GRIP1: variants seen among roughly 807,000 people sequenced by gnomAD.
The protein encoded by GRIP1 is glutamate receptor interacting protein 1.
GRIP1 carries 45 observed loss-of-function variants against 129.9 expected under a neutral mutation model. The ratio of observed to expected loss-of-function variants is 0.35; its 90% confidence interval spans 0.27 to 0.44. GRIP1 has a LOEUF of 0.44. GRIP1 is among the 20% of genes least tolerant of loss of function. The pLI, the probability that GRIP1 is intolerant of heterozygous loss-of-function variation, is 1.00. For missense variants in GRIP1, 1,196 were observed against 1,396.8 expected (o/e 0.86, Z 2.29); for synonymous variants, 530 against 520.8 (o/e 1.02, Z -0.24).
chr12:67,064,986 A>G (rs2043599186), intron 1 of GRIP1: 1 of 141,930 alleles, frequency 7.0e-6, no homozygotes, highest in African/African-American at 2.6e-5. Flanking sequence ...CCCACCTATG[A>G]GTGAGAATAT....
chr12:66,873,903 C>T (rs1374074690), intron 1 of GRIP1, among the ~76,000 whole-genome samples: 1 of 152,000 alleles, frequency 6.6e-6, no homozygotes, highest in African/African-American at 2.4e-5. Context: ...TGAGTTTTCC[C>T]TTGTAAAATT....
intron 4 of GRIP1, among the ~76,000 whole-genome samples, chr12:66,536,689 G>A (rs750269363): frequency 9.2e-5 from 14 of 151,968 alleles, no homozygotes; most frequent in Non-Finnish European, 8.8e-5. Flanking sequence ...CTGCTTTTTC[G>A]CATAGCATTC....
intron 1 of GRIP1, among the ~76,000 whole-genome samples, chr12:66,862,519 A>T (rs1172186540): frequency 6.6e-6 from 1 of 152,124 alleles, no homozygotes; most frequent in African/African-American, 2.4e-5. Context: ...CTACCCATGA[A>T]TGGGACTGTT....
intron 14 of GRIP1, among the ~76,000 whole-genome samples, chr12:66,421,763 T>C (rs943279092): frequency 3.3e-5 from 5 of 151,976 alleles, no homozygotes; most frequent in African/African-American, 9.7e-5. Context: ...AGTTTTTAGA[T>C]AAAACTATTA....
intron 1 of GRIP1, among the ~76,000 whole-genome samples, chr12:67,011,430 T>C (rs1015387095): frequency 1.3e-5 from 2 of 152,208 alleles, no homozygotes; most frequent in Non-Finnish European, 1.5e-5. Flanking sequence ...TAGAAGGCCA[T>C]GCTTGACCTG....
intron 1 of GRIP1, among the ~76,000 whole-genome samples, chr12:66,962,428 C>T (rs1302297551): frequency 6.6e-6 from 1 of 152,142 alleles, no homozygotes; most frequent in African/African-American, 2.4e-5. Context: ...CAGGCCCTGA[C>T]TGAAGCATGA....
chr12:66,717,323 C>A (rs2136428648), intron 1 of GRIP1, among the ~76,000 whole-genome samples: 1 of 151,790 alleles, frequency 6.6e-6, no homozygotes, highest in African/African-American at 2.4e-5. Flanking sequence ...GTGTAATGGC[C>A]CTTTTAAATC....
intron 1 of GRIP1, among the ~76,000 whole-genome samples, chr12:66,910,821 G>A (rs1301530846): frequency 1.3e-5 from 2 of 152,120 alleles, no homozygotes; most frequent in African/African-American, 4.8e-5. Flanking sequence ...AGGACTCAGA[G>A]GGTACGTCCC....
chr12:66,899,124 C>T (rs2040801298), intron 1 of GRIP1, among the ~76,000 whole-genome samples: 1 of 152,152 alleles, frequency 6.6e-6, no homozygotes, highest in Admixed American at 6.6e-5. Flanking sequence ...GTCCATATTG[C>T]TTCTTGGATC....
chr12:66,682,131 A>G (rs1172333611), upstream of GRIP1, among the ~76,000 whole-genome samples: 1 of 152,120 alleles, frequency 6.6e-6, no homozygotes, highest in African/African-American at 2.4e-5. Context: ...CTTGCCACCA[A>G]TACAAAATGT....
intron 1 of GRIP1, among the ~76,000 whole-genome samples, chr12:66,695,273 G>GTTT (rs79419418): frequency 6.9e-6 from 1 of 145,966 alleles, no homozygotes; most frequent in Admixed American, 6.9e-5. Context: ...AATCTAACCT[G>GTTT]TTTTTTTTTT....
chr12:66,719,441 A>G (rs2035992443), intron 1 of GRIP1, among the ~76,000 whole-genome samples: 1 of 152,192 alleles, frequency 6.6e-6, no homozygotes, highest in Admixed American at 6.5e-5. Flanking sequence ...AATGACTTCT[A>G]AGAGCCAACT....
intron 1 of GRIP1, among the ~76,000 whole-genome samples, chr12:66,693,489 G>T (rs2035049252): frequency 6.6e-6 from 1 of 152,072 alleles, no homozygotes; most frequent in Non-Finnish European, 1.5e-5. Context: ...ACTGTTATCT[G>T]CCTGGCCCTT....
In GRIP1 at chr12:67,027,492, T is replaced by C. The variant is rs115773943; in HGVS notation, c.58+41558A>G. Among the ~76,000 whole-genome samples, 499 of 152,334 alleles carry C rather than the reference T, an allele frequency of 3.3e-3. 1 individual carries two copies. Among genetic ancestry groups the C allele is most frequent in the African/African-American group, 0.011 (441 of 41,576 alleles). On this transcript the variant is annotated intron_variant, in intron 1 of 1. Transcript: ENST00000643019. ...TGGGCAAAATGCCATGCTAAATACT[T>C]AGGCTATAGTGACGTGCAAAACCAG...
intron 2 of GRIP1, among the ~76,000 whole-genome samples, chr12:66,577,109 T>C (rs1158394384): frequency 1.3e-5 from 2 of 152,180 alleles, no homozygotes; most frequent in South Asian, 2.1e-4. Flanking sequence ...AAACATGTTC[T>C]ATAAGGCAGA....
chr12:66,398,593 T>G (rs2056877887), intron 16 of GRIP1, among the ~76,000 whole-genome samples: 1 of 152,150 alleles, frequency 6.6e-6, no homozygotes, highest in Admixed American at 6.5e-5. Flanking sequence ...GAGGCCTTCC[T>G]ATGAGACCCA....
intron 7 of GRIP1, among the ~76,000 whole-genome samples, chr12:66,501,480 A>G (rs954852578): frequency 6.6e-6 from 1 of 152,170 alleles, no homozygotes; most frequent in Non-Finnish European, 1.5e-5. Flanking sequence ...AGGAATGTAA[A>G]ATTAGTATAC....
chr12:66,621,516 G>A (rs1307389567), intron 1 of GRIP1, among the ~76,000 whole-genome samples: 2 of 152,056 alleles, frequency 1.3e-5, no homozygotes, highest in Admixed American at 6.6e-5. Flanking sequence ...CATTTGGCTC[G>A]TGTCCACCTT....
At chr12:66,561,869 G>A (rs2062546309) in intron 2 of GRIP1, among the ~76,000 whole-genome samples, 1 of 152,142 alleles carries the variant, frequency 6.6e-6, no homozygotes, top group African/African-American at 2.4e-5. Flanking sequence ...TGAGGTGGGA[G>A]GATTGCTTGA....
Sources: gnomAD v4.1 joint callset for allele counts (sites outside exome capture counted in the v4.1 genomes callset) on GRCh38, gnomAD v4.1.1 for gene constraint, MANE v1.5 for transcripts, NCBI Gene and HGNC (gene_info 2026-07-23, HGNC 2026-07-21) for gene names.